Variants in ADNP2 observed in about 807,000 individuals in gnomAD.
The protein encoded by ADNP2 is activity-dependent neuroprotector homeobox protein 2.
In ADNP2, 8 loss-of-function variants were observed where a neutral mutation model predicts 16.4. The ratio of observed to expected loss-of-function variants is 0.49; its 90% CI spans 0.29 to 0.88. ADNP2 has a LOEUF of 0.88. Among genes scored for constraint, ADNP2 ranks in the 40% least tolerant of loss-of-function variants. The pLI is 0.09. For synonymous variants in ADNP2, 637 were observed against 545.8 expected, an observed-to-expected ratio of 1.17 and a Z score of -2.33; for missense variants, 1,397 against 1,395.1, an observed-to-expected ratio of 1.00 and a Z score of -0.02.
At position 80,138,730 on chromosome 18, in the gene ADNP2, A is replaced by G. The variant is rs1444195788; in HGVS notation, c.3317A>G (p.Lys1106Arg). 1 of 1,608,534 alleles carries G rather than the reference A, an allele frequency of 6.2e-7. No homozygotes were observed. The highest frequency in any genetic ancestry group is 8.5e-7 in the Non-Finnish European group (1 of 1,178,868). Residue 1106 changes from lysine (K) to arginine (R), a missense_variant, in exon 4 of 4, where the codon AAG (lysine) becomes AGG (arginine). By Grantham distance (26) the Lys-to-Arg change is conservative. This residue lies in a region of ADNP2 where 611 missense variants were observed against 648.7 expected (regional missense o/e 0.94). Coordinates refer to ENST00000262198, the MANE Select transcript of ADNP2 (RefSeq NM_014913.4). ...YICMKAIKNH[K>R]PSVLLGFDMS... ...TGCATGAAAGCAATAAAAAATCACA[A>G]GCCTTCTGTACTTTTAGGCTTTGAT...
At chr18:80,132,513 T>C (rs754721654) in intron 2 of ADNP2, among the ~76,000 whole-genome samples, 32 of 152,168 alleles carry the variant, frequency 2.1e-4, no homozygotes, top group Non-Finnish European at 4.0e-4. Context: ...ATGACTATAC[T>C]TTCATTTCTC....
At chr18:80,115,432 C>T (rs1409135557) in intron 1 of ADNP2, among the ~76,000 whole-genome samples, 1 of 152,114 alleles carries the variant, frequency 6.6e-6, no homozygotes, top group African/African-American at 2.4e-5. Context: ...TAACTGCATC[C>T]AGGCACTCTC....
At chr18:80,117,688 G>T in intron 2 of ADNP2, 38 bp downstream of exon 2, 1 of 1,521,000 alleles carries the variant, frequency 6.6e-7, no homozygotes, top group South Asian at 1.2e-5. Flanking sequence ...ATCTGGAGGT[G>T]AGATTTGAAC....
chr18:80,129,420 A>G (rs760207033), intron 2 of ADNP2, among the ~76,000 whole-genome samples: 2 of 151,512 alleles, frequency 1.3e-5, no homozygotes, highest in Non-Finnish European at 2.9e-5. Context: ...CATTTTTTAC[A>G]CTCGGTTTAT....
intron 2 of ADNP2, among the ~76,000 whole-genome samples, chr18:80,130,271 C>T (rs2052487632): frequency 6.6e-6 from 1 of 152,176 alleles, no homozygotes; most frequent in Non-Finnish European, 1.5e-5. Context: ...TGTACTTATA[C>T]TTTTCTGTAG....
chr18:80,118,222 C>T (rs1484990847), intron 2 of ADNP2, among the ~76,000 whole-genome samples: 1 of 152,034 alleles, frequency 6.6e-6, no homozygotes, highest in Non-Finnish European at 1.5e-5. Flanking sequence ...GTCAGGAGTT[C>T]GAGACCAGCC....
intron 2 of ADNP2, among the ~76,000 whole-genome samples, chr18:80,124,497 C>A (rs1192837274): frequency 6.6e-6 from 1 of 152,168 alleles, no homozygotes; most frequent in Non-Finnish European, 1.5e-5. Context: ...ATACATAGGG[C>A]AAGGTATAGG....
chr18:80,134,418 T>TGTGTGTGTGTGTGA (rs143942110), intron 3 of ADNP2, among the ~76,000 whole-genome samples: 18 of 136,446 alleles, frequency 1.3e-4, no homozygotes, highest in African/African-American at 3.8e-4. Context: ...TGTGTGTGTG[T>TGTGTGTGTGTGTGA]GAGAGAGAGT....
At chr18:80,118,831 G>A (rs1038463488) in intron 2 of ADNP2, among the ~76,000 whole-genome samples, 1 of 152,114 alleles carries the variant, frequency 6.6e-6, no homozygotes. Context: ...TACTTCACAA[G>A]GGAAAATTAA....
At chr18:80,131,522 A>G (rs1399893994) in intron 2 of ADNP2, among the ~76,000 whole-genome samples, 1 of 152,138 alleles carries the variant, frequency 6.6e-6, no homozygotes, top group Non-Finnish European at 1.5e-5. Flanking sequence ...GGATTGAACA[A>G]TAGCGGTAAG....
chr18:80,115,572 G>T (rs1272794137), intron 1 of ADNP2, among the ~76,000 whole-genome samples: 1 of 152,142 alleles, frequency 6.6e-6, no homozygotes, highest in Non-Finnish European at 1.5e-5. Flanking sequence ...GTACTACAGG[G>T]TTTATTTTAA....
chr18:80,132,911 G>A (rs1338579464), intron 2 of ADNP2, among the ~76,000 whole-genome samples, 192 bp from the exon 3 acceptor site: 1 of 152,044 alleles, frequency 6.6e-6, no homozygotes, highest in Non-Finnish European at 1.5e-5. Flanking sequence ...GGTAGAGATG[G>A]AGTTTCGCCA....
At chr18:80,115,246 T>A (rs910224863) in intron 1 of ADNP2, among the ~76,000 whole-genome samples, 1 of 152,230 alleles carries the variant, frequency 6.6e-6, no homozygotes. Flanking sequence ...TGGTTACTTC[T>A]GTGTTCTGTT....
chr18:80,124,632 A>G (rs780645994), intron 2 of ADNP2, among the ~76,000 whole-genome samples: 5 of 152,084 alleles, frequency 3.3e-5, no homozygotes, highest in Non-Finnish European at 7.4e-5. Context: ...TTCCTTATGC[A>G]GGCATGATTG....
At chr18:80,110,583 G>A (rs1352337598) in intron 1 of ADNP2, among the ~76,000 whole-genome samples, 1 of 152,182 alleles carries the variant, frequency 6.6e-6, no homozygotes, top group Non-Finnish European at 1.5e-5. Context: ...AGCATTAGTG[G>A]GAGAGAGGAC....
At chr18:80,125,236 T>C (rs770195543) in intron 2 of ADNP2, among the ~76,000 whole-genome samples, 16 of 152,182 alleles carry the variant, frequency 1.1e-4, no homozygotes, top group Admixed American at 2.0e-4. Flanking sequence ...AAATACAGTT[T>C]ATTGGCGCCA....
intron 1 of ADNP2, among the ~76,000 whole-genome samples, chr18:80,115,429 A>G (rs2052382853): frequency 6.6e-6 from 1 of 152,096 alleles, no homozygotes; most frequent in African/African-American, 2.4e-5. Flanking sequence ...GTATAACTGC[A>G]TCCAGGCACT....
chr18:80,136,144 A>C lies in ADNP2; in HGVS notation c.731A>C (p.Glu244Ala). ...ACATCAGACATACACAGAGATTTGG[A>C]GAATAAGCTTAGATCTGTGATTTCA... ...ILTSDIHRDLENKLRSVISEH... is the reference protein window; with the variant it reads ...ILTSDIHRDLANKLRSVISEH... The change falls in exon 4 of 4, where the codon GAG (glutamate) becomes GCG (alanine). Residue 244 changes from glutamate (E) to alanine (A), a missense_variant. Transcript: ENST00000262198. The C allele has an allele frequency of 1.9e-6, 3 of 1,614,256 alleles. No individual in the cohort carries two copies. Among genetic ancestry groups the C allele is most frequent in the Non-Finnish European group, 2.5e-6 (3 of 1,180,034 alleles).
At position 80,136,402 on chromosome 18, in the gene ADNP2, A is replaced by C. The variant is rs780529230; in HGVS notation, c.989A>C (p.His330Pro). 2 of 1,613,998 alleles carry C rather than the reference A, an allele frequency of 1.2e-6. No homozygotes were observed. The highest frequency in any genetic ancestry group is 2.7e-5 in the African/African-American group (2 of 74,922). Residue 330 changes from histidine to proline, a missense_variant, in exon 4 of 4, where the codon CAC (histidine) becomes CCC (proline). By Grantham distance (77) the His-to-Pro change is moderately conservative. Around this residue, in one of 3 missense-constraint regions of ADNP2, gnomAD observed 777 missense variants for 719.4 expected, o/e 1.08. Transcript: ENST00000262198. ...TCCCCCCCTGCTGCTGGCCAATCCC[A>C]CATGACTCTGGTCTCCAGCCCTCTG... ...THSPPAAGQSHMTLVSSPLPV... is the reference protein window; with the variant it reads ...THSPPAAGQSPMTLVSSPLPV...
Sources: allele counts gnomAD v4.1 joint callset (sites outside exome capture counted in the v4.1 genomes callset), GRCh38; gene constraint gnomAD v4.1.1; regional missense constraint gnomAD v4.1.1; transcripts MANE v1.5; gene names NCBI Gene and HGNC (gene_info 2026-07-23, HGNC 2026-07-21).